Variants in SYNJ2 observed in about 807,000 individuals in gnomAD.
SYNJ2 encodes the protein polyphosphatidylinositol phosphatase SYNJ2.
SYNJ2 carries 116 observed loss-of-function variants against 141.3 expected under a neutral mutation model. That is an observed-to-expected ratio of 0.82 (90% CI 0.71 to 0.96). The LOEUF (loss-of-function observed/expected upper bound fraction) is 0.96, where lower values mean the gene tolerates loss of function less well. Ranked by LOEUF, SYNJ2 falls within the 40% of genes least tolerant of loss-of-function variation. The pLI is 0.00. For synonymous variants in SYNJ2, 745 were observed against 777.7 expected, an observed-to-expected ratio of 0.96 and a Z score of 0.70; for missense variants, 1,873 against 1,934.8, an observed-to-expected ratio of 0.97 and a Z score of 0.60.
chr6:158,064,885 C>T lies in SYNJ2; in HGVS notation c.1419C>T (p.Phe473=), dbSNP rs778338358. The change falls in exon 11 of 27, where the codon TTC becomes TTT. Residue 473 remains phenylalanine, a synonymous_variant. Transcript: ENST00000355585. ...CTCGAACCATCCAGTCCAACTTCTT[C>T]GACGGGGTGAAGCAGGAGGCCATCA... is the stretch of plus-strand genomic sequence containing the variant. ...SMSRTIQSNF[F]DGVKQEAIKL... 15 of 1,613,562 alleles carry T rather than the reference C, an allele frequency of 9.3e-6. No individual in the cohort carries two copies. The highest frequency in any genetic ancestry group is 1.2e-5 in the Non-Finnish European group (14 of 1,179,854).
chr6:158,063,657 C>T (rs1781361772), intron 8 of SYNJ2, 134 bp from the exon 9 acceptor site: 1 of 405,172 alleles, frequency 2.5e-6, no homozygotes, highest in African/African-American at 4.6e-5. Context: ...GAGACTCTGT[C>T]TCAAAAAAAA....
intron 5 of SYNJ2, among the ~76,000 whole-genome samples, chr6:158,047,669 C>T (rs1583402521): frequency 6.9e-6 from 1 of 145,248 alleles, no homozygotes; most frequent in East Asian, 2.1e-4. Flanking sequence ...CCCAGTTATT[C>T]AGGAGGCTGA....
At chr6:158,093,685 G>C (rs1217240734) in intron 26 of SYNJ2, among the ~76,000 whole-genome samples, 2 of 152,102 alleles carry the variant, frequency 1.3e-5, no homozygotes, top group Non-Finnish European at 2.9e-5. Flanking sequence ...TAAGTGTTTT[G>C]AGTCCCCAAA....
intron 1 of SYNJ2, among the ~76,000 whole-genome samples, chr6:157,991,878 A>C (rs917936681): frequency 4.6e-5 from 7 of 151,754 alleles, no homozygotes; most frequent in African/African-American, 1.5e-4. Flanking sequence ...TATAAAAAGC[A>C]ATTGAAGCTT....
At chr6:158,049,598 TA>T (rs1167986803) in intron 5 of SYNJ2, among the ~76,000 whole-genome samples, 3 of 152,122 alleles carry the variant, frequency 2.0e-5, no homozygotes, top group Non-Finnish European at 2.9e-5. Context: ...ACAAGTCCAA[TA>T]ATACAACTTG....
intron 2 of SYNJ2, chr6:158,017,857 C>A (rs1778551146): frequency 8.2e-6 from 4 of 487,218 alleles, no homozygotes; most frequent in Non-Finnish European, 1.7e-5. Flanking sequence ...CCCGGCACCC[C>A]CACCCTGTGC....
At chr6:158,055,565 C>T (rs1780821282) in intron 6 of SYNJ2, among the ~76,000 whole-genome samples, 1 of 151,442 alleles carries the variant, frequency 6.6e-6, no homozygotes, top group African/African-American at 2.4e-5. Context: ...GATCATAACA[C>T]ATTTACTGTT....
intron 7 of SYNJ2, among the ~76,000 whole-genome samples, chr6:158,060,049 G>A (rs1212582445): frequency 6.6e-6 from 1 of 152,192 alleles, no homozygotes; most frequent in Non-Finnish European, 1.5e-5. Flanking sequence ...GCTGGTCCTG[G>A]GTGAGTTCCC....
Position 158,066,468 on chromosome 6 carries a change from T to C in SYNJ2, c.1550T>C (p.Met517Thr), listed in dbSNP as rs747318468. The C allele has an allele frequency of 8.7e-6, 14 of 1,614,212 alleles. No individual in the cohort carries two copies. Among genetic ancestry groups the C allele is most frequent in the Non-Finnish European group, 1.1e-5 (13 of 1,180,054 alleles). ...GTGACTCCCAGGATCCTGAAAGCTA[T>C]GACTGAGCGTCAGTCCGAATTCACA... ...LLVTPRILKAMTERQSEFTNF... is the reference protein window; with the variant it reads ...LLVTPRILKATTERQSEFTNF... Residue 517 changes from methionine to threonine, a missense_variant, in exon 12 of 27, where the codon ATG becomes ACG. Transcript: ENST00000355585.
At chr6:158,051,199 C>G (rs1048501997) in intron 5 of SYNJ2, among the ~76,000 whole-genome samples, 44 of 152,326 alleles carry the variant, frequency 2.9e-4, no homozygotes, top group African/African-American at 1.0e-3. Context: ...GTATTCTCTT[C>G]TTACTGTGCT....
At chr6:158,066,701 C>G (rs757299332) in intron 12 of SYNJ2, 66 bp downstream of exon 12, 1 of 1,544,848 alleles carries the variant, frequency 6.5e-7, no homozygotes. Flanking sequence ...CACGCTTGAC[C>G]CTTTAGTGGC....
At chr6:158,059,113 T>G in intron 6 of SYNJ2, 144 bp from the exon 7 acceptor site, 5 of 833,960 alleles carry the variant, frequency 6.0e-6, no homozygotes, top group East Asian at 3.2e-5. Flanking sequence ...TTTTCCACGA[T>G]TTGGGTCATG....
chr6:158,024,145 C>T (rs757364816), intron 2 of SYNJ2, among the ~76,000 whole-genome samples: 1 of 152,154 alleles, frequency 6.6e-6, no homozygotes. Flanking sequence ...TATTTGTCGG[C>T]CAGGCACGGT....
At chr6:158,068,826 C>A in intron 13 of SYNJ2, 98 bp downstream of exon 13, 1 of 1,336,144 alleles carries the variant, frequency 7.5e-7, no homozygotes, top group Non-Finnish European at 1.1e-6. Context: ...CAGCCTGCTT[C>A]TGAGCCAGCT....
In SYNJ2 at chr6:158,069,625, G is replaced by C; in HGVS notation, c.1892G>C (p.Gly631Ala). The C allele has an allele frequency of 6.2e-7, 1 of 1,613,980 alleles. No individual in the cohort carries two copies. Among genetic ancestry groups the C allele is most frequent in the Non-Finnish European group, 8.5e-7 (1 of 1,179,906 alleles). ...YILLTSAQLV[G>A]VCLYIFVRPY... ...CTGTTGACTTCGGCACAGCTGGTGG[G>C]CGTCTGTCTTTATATCTTTGTACGT... The change falls in exon 14 of 27, where the codon GGC becomes GCC. Residue 631 changes from glycine to alanine, a missense_variant. By Grantham distance (60) the Gly-to-Ala change is moderately conservative. Transcript: ENST00000355585.
chr6:158,030,937 A>T (rs1779329947), intron 3 of SYNJ2: 1 of 152,086 alleles, frequency 6.6e-6, no homozygotes, highest in Non-Finnish European at 1.5e-5. Context: ...CGTGAATCTC[A>T]TGCTGATCTC....
At chr6:158,059,070 CT>C (rs1309808756) in intron 6 of SYNJ2, among the ~76,000 whole-genome samples, 186 bp from the exon 7 acceptor site, 1 of 152,252 alleles carries the variant, frequency 6.6e-6, no homozygotes, top group Non-Finnish European at 1.5e-5. Context: ...GTAATGGCAG[CT>C]GGGAGGTGCA....
rs372749745 is a variant in SYNJ2 at position 158,017,282 on chromosome 6, T to A, written c.206T>A (p.Leu69Gln). The change falls in exon 2 of 27, where the codon CTG becomes CAG. Residue 69 changes from leucine (L) to glutamine (Q), a missense_variant. By Grantham distance (113) the Leu-to-Gln change is moderately radical. Transcript: ENST00000355585. ...DAYGCLGELR[L>Q]KSGGTSLSFL... Reference sequence around the variant, plus strand: ...TACGGCTGCCTGGGGGAGCTGAGGCTGAAATCTGGTGAGTAGCCGCTCGCT... The same window carrying A: ...TACGGCTGCCTGGGGGAGCTGAGGCAGAAATCTGGTGAGTAGCCGCTCGCT... 1 of 1,612,818 alleles carries A rather than the reference T, an allele frequency of 6.2e-7. No homozygotes were observed. The highest frequency in any genetic ancestry group is 8.5e-7 in the Non-Finnish European group (1 of 1,179,656).
At position 158,086,977 on chromosome 6, in the gene SYNJ2, C is replaced by G. The variant is rs1249728086; in HGVS notation, c.3331C>G (p.Pro1111Ala). The G allele has an allele frequency of 1.1e-6, 1 of 903,372 alleles. No homozygotes were observed. The highest frequency in any genetic ancestry group is 1.6e-6 in the Non-Finnish European group (1 of 609,848). The allele number at this position is 903,372 out of a possible 1,614,324, so 56.0% of individuals were successfully genotyped here. Residue 1111 changes from proline (P) to alanine (A), a missense_variant, in exon 23 of 27, where the codon CCC (proline) becomes GCC (alanine). Coordinates refer to ENST00000355585, the MANE Select transcript of SYNJ2 (RefSeq NM_003898.4). Reference protein sequence around the residue: ...RPRPPQPPQRPPPPTGLMVKK... With the variant: ...RPRPPQPPQRAPPPTGLMVKK... Reference sequence around the variant, plus strand: ...TCGGCCACCTCAACCCCCGCAGAGACCCCCCCCTCCAAGTAAGACTCTGCT... The same window carrying G: ...TCGGCCACCTCAACCCCCGCAGAGAGCCCCCCCTCCAAGTAAGACTCTGCT...
Sources: gnomAD v4.1 joint callset for allele counts (sites outside exome capture counted in the v4.1 genomes callset) on GRCh38, gnomAD v4.1.1 for gene constraint, MANE v1.5 for transcripts, NCBI Gene and HGNC (gene_info 2026-07-23, HGNC 2026-07-21) for gene names.